Variants in NUB1 observed in about 807,000 individuals in gnomAD.
NUB1 encodes the protein negative regulator of ubiquitin like proteins 1.
A neutral mutation model predicts 77.1 loss-of-function variants in NUB1; 41 were observed. The ratio of observed to expected loss-of-function variants is 0.53; its 90% CI spans 0.41 to 0.69. NUB1 has a LOEUF of 0.69. Ranked by LOEUF, NUB1 falls within the 30% of genes least tolerant of loss-of-function variation. The pLI is 0.00. For synonymous variants in NUB1, 257 were observed against 281.0 expected (o/e 0.91, Z 0.85); for missense variants, 643 against 743.8 (o/e 0.86, Z 1.58).
intron 7 of NUB1, 147 bp from the exon 8 acceptor site, chr7:151,359,994 A>G (rs1309631283): frequency 3.8e-6 from 2 of 523,950 alleles, no homozygotes; most frequent in Non-Finnish European, 6.8e-6. Flanking sequence ...TTAATTAATT[A>G]TATTTTTCTT....
At chr7:151,350,967 CATG>C in intron 3 of NUB1, among the ~76,000 whole-genome samples, 1 of 152,284 alleles carries the variant, frequency 6.6e-6, no homozygotes, top group Non-Finnish European at 1.5e-5. Context: ...CACCTGAAAA[CATG>C]ATGCTCAGGG....
chr7:151,346,507 C>A (rs1469668893), intron 2 of NUB1, among the ~76,000 whole-genome samples: 1 of 152,186 alleles, frequency 6.6e-6, no homozygotes, highest in Non-Finnish European at 1.5e-5. Flanking sequence ...TGAAACTTTC[C>A]ACCCTCCCCT....
intron 8 of NUB1, 103 bp from the exon 9 acceptor site, chr7:151,366,836 C>A: frequency 1.1e-6 from 1 of 902,308 alleles, no homozygotes; most frequent in South Asian, 1.9e-5. Flanking sequence ...TGAATATATA[C>A]CAAGAACGGG....
chr7:151,359,014 G>A (rs1264224064), intron 7 of NUB1, among the ~76,000 whole-genome samples: 3 of 151,732 alleles, frequency 2.0e-5, no homozygotes, highest in Non-Finnish European at 2.9e-5. Context: ...GCAGTGAGCC[G>A]AGATCGCGCC....
intron 8 of NUB1, among the ~76,000 whole-genome samples, chr7:151,361,682 T>C (rs1234242152): frequency 3.3e-5 from 5 of 152,212 alleles, no homozygotes; most frequent in African/African-American, 1.2e-4. Context: ...CAAATATTTA[T>C]AGTTTTCCAT....
At chr7:151,359,057 T>C (rs1221064389) in intron 7 of NUB1, among the ~76,000 whole-genome samples, 1 of 150,698 alleles carries the variant, frequency 6.6e-6, no homozygotes, top group Non-Finnish European at 1.5e-5. Context: ...AGAGCGAGAC[T>C]CTGTCTCAAA....
chr7:151,366,638 G>C (rs1261822307), intron 8 of NUB1, among the ~76,000 whole-genome samples: 1 of 152,230 alleles, frequency 6.6e-6, no homozygotes, highest in Non-Finnish European at 1.5e-5. Flanking sequence ...GAGGGCCTCT[G>C]AAACAGTGGC....
At chr7:151,346,806 T>G (rs1271542145) in intron 2 of NUB1, among the ~76,000 whole-genome samples, 3 of 152,236 alleles carry the variant, frequency 2.0e-5, no homozygotes, top group Non-Finnish European at 4.4e-5. Flanking sequence ...TCTGGAGTTC[T>G]GTGAGTTGTT....
Position 151,374,090 on chromosome 7 carries a change from C to T in NUB1, c.1249-7C>T. The T allele has an allele frequency of 6.4e-7, 1 of 1,551,386 alleles. No homozygotes were observed. The highest frequency in any genetic ancestry group is 2.0e-5 in the Admixed American group (1 of 50,534). On this transcript the variant is annotated splice_region_variant and splice_polypyrimidine_tract_variant and intron_variant, in intron 11 of 14. Coordinates refer to ENST00000568733, the MANE Select transcript of NUB1 (RefSeq NM_001243351.2). ...ACTTGGGATGGGACTTTGCTGTTTT[C>T]CTAAAGGAACTGGCCCAAATAAGGA...
chr7:151,363,516 TG>T, intron 8 of NUB1, among the ~76,000 whole-genome samples: 1 of 149,080 alleles, frequency 6.7e-6, no homozygotes, highest in Non-Finnish European at 1.5e-5. Context: ...CGGCCTAAAA[TG>T]CATGTAATTG....
At chr7:151,365,286 T>C (rs1397887256) in intron 8 of NUB1, among the ~76,000 whole-genome samples, 1 of 150,900 alleles carries the variant, frequency 6.6e-6, no homozygotes, top group African/African-American at 2.4e-5. Flanking sequence ...GTTTTTTGTG[T>C]GTTTGTTCAT....
At chr7:151,373,536 G>A (rs1798054875) in intron 11 of NUB1, among the ~76,000 whole-genome samples, 1 of 152,192 alleles carries the variant, frequency 6.6e-6, no homozygotes, top group Non-Finnish European at 1.5e-5. Flanking sequence ...GGCACTCTGT[G>A]GGTTCCGAAT....
chr7:151,344,964 C>T (rs777847047), intron 1 of NUB1, among the ~76,000 whole-genome samples: 1 of 152,178 alleles, frequency 6.6e-6, no homozygotes, highest in Admixed American at 6.5e-5. Context: ...CGCACCACTG[C>T]ACTCCAGCCT....
intron 12 of NUB1, among the ~76,000 whole-genome samples, chr7:151,374,801 C>T (rs567144070): frequency 1.6e-4 from 25 of 152,190 alleles, no homozygotes; most frequent in African/African-American, 5.3e-4. Context: ...TGCTGCGCTG[C>T]GTCTCAGCAG....
rs1204608672 is a variant in NUB1 at position 151,367,044 on chromosome 7, T to C, written c.906T>C (p.Asp302=). ...TGGAACAGCTGGAATGCCTTGATGA[T>C]GCAGAAAAAAAATTAAACTTGGCCC... The part of the protein sequence containing the change: ...FRLEQLECLD[D]AEKKLNLAQK... The change falls in exon 9 of 15, where the codon GAT becomes GAC. Residue 302 remains aspartate (D), a synonymous_variant. Coordinates refer to ENST00000568733, the MANE Select transcript of NUB1 (RefSeq NM_001243351.2). The C allele has an allele frequency of 6.2e-7, 1 of 1,613,902 alleles. No individual in the cohort carries two copies. Among genetic ancestry groups the C allele is most frequent in the Non-Finnish European group, 8.5e-7 (1 of 1,179,864 alleles).
At chr7:151,341,867 T>G (rs1328043756) in intron 1 of NUB1, 21 bp downstream of exon 1, 2 of 1,494,276 alleles carry the variant, frequency 1.3e-6, no homozygotes, top group Admixed American at 4.5e-5. Context: ...GGCGGCCGAG[T>G]GTCCTCGACC....
chr7:151,345,157 T>C lies in NUB1; in HGVS notation c.-2-191T>C, dbSNP rs997004521. On this transcript the variant is annotated intron_variant, in intron 1 of 14. Coordinates refer to ENST00000568733, the MANE Select transcript of NUB1 (RefSeq NM_001243351.2). The stretch of plus-strand genomic sequence containing the variant: ...AAATACATATTTTATATATGTAATA[T>C]ATATAATTGAACATATATTTCTATA... Among the ~76,000 whole-genome samples, 13 of 151,816 alleles carry C rather than the reference T, an allele frequency of 8.6e-5. 1 individual carries two copies. Among genetic ancestry groups the C allele is most frequent in the African/African-American group, 3.1e-4 (13 of 41,490 alleles).
At chr7:151,376,424 C>T in intron 13 of NUB1, 1 of 558,446 alleles carries the variant, frequency 1.8e-6, no homozygotes, top group East Asian at 2.9e-5. Context: ...GAGATGGCTG[C>T]TCCCTGACGC....
chr7:151,376,955 C>A, intron 14 of NUB1, 92 bp from the exon 15 acceptor site: 1 of 1,410,662 alleles, frequency 7.1e-7, no homozygotes, highest in Non-Finnish European at 9.5e-7. Context: ...GTGTGGCCAG[C>A]AAGAGGCACA....
Sources: gnomAD v4.1 joint callset for allele counts (sites outside exome capture counted in the v4.1 genomes callset) on GRCh38, gnomAD v4.1.1 for gene constraint, MANE v1.5 for transcripts, NCBI Gene and HGNC (gene_info 2026-07-23, HGNC 2026-07-21) for gene names.